Variants in DNAH9 observed in about 807,000 individuals in gnomAD.
DNAH9 encodes the protein dynein axonemal heavy chain 9.
In DNAH9, 345 loss-of-function variants were observed where a neutral mutation model predicts 471.6. The observed-to-expected ratio is 0.73, with a 90% confidence interval of 0.67 to 0.80. The LOEUF (loss-of-function observed/expected upper bound fraction) is 0.80, where lower values mean the gene tolerates loss of function less well. Among genes scored for constraint, DNAH9 ranks in the 30% least tolerant of loss-of-function variants. The pLI, the probability that DNAH9 is intolerant of heterozygous loss-of-function variation, is 0.00. For synonymous variants in DNAH9, 2,093 were observed against 2,123.6 expected (o/e 0.99, Z 0.40); for missense variants, 5,407 against 5,609.2 (o/e 0.96, Z 1.15).
chr17:11,746,046 T>C (rs961735133), intron 31 of DNAH9, among the ~76,000 whole-genome samples: 1 of 152,224 alleles, frequency 6.6e-6, no homozygotes, highest in Non-Finnish European at 1.5e-5. Flanking sequence ...GGAAAGACAG[T>C]ACTGAACAGA....
rs1226863460 is a variant in DNAH9, at chr17:11,744,812, G to A, written c.6127G>A (p.Gly2043Ser). 4.3e-6 allele frequency: 7 copies of A among 1,613,052 alleles called. No individual in the cohort carries two copies. Among genetic ancestry groups the A allele is most frequent in the Non-Finnish European group, 5.9e-6 (7 of 1,179,354 alleles). ...LLSKQDHYDW[G>S]LRAIKSVLVV... ...CTGCCCACAGGATCACTACGACTGG[G>A]GCCTACGGGCCATCAAGTCCGTGCT... The change falls in exon 31 of 69, where the codon GGC becomes AGC. Residue 2043 changes from glycine to serine, a missense_variant. Physicochemically the swap from Gly to Ser is moderately conservative, Grantham distance 56 (BLOSUM62 0). This residue lies in a region of DNAH9 where 4,636 missense variants were observed against 4,900.3 expected (regional missense o/e 0.95). Transcript: ENST00000262442.
At chr17:11,647,432 T>G (rs1402581589) in intron 12 of DNAH9, among the ~76,000 whole-genome samples, 1 of 152,172 alleles carries the variant, frequency 6.6e-6, no homozygotes, top group Non-Finnish European at 1.5e-5. Context: ...ATGCAAAAGA[T>G]TCTCAAAATA....
At chr17:11,805,999 T>C (rs547426092) in intron 43 of DNAH9, among the ~76,000 whole-genome samples, 1 of 152,312 alleles carries the variant, frequency 6.6e-6, no homozygotes, top group East Asian at 1.9e-4. Context: ...CCCAAAGTGC[T>C]GGGATTACAG....
Position 11,623,264 on chromosome 17 carries a change from G to A in DNAH9, c.1350+3483G>A, listed in dbSNP as rs796651436. Among the ~76,000 whole-genome samples the A allele has an allele frequency of 3.7e-4, 56 of 152,104 alleles. No homozygotes were observed. The highest frequency in any genetic ancestry group is 7.7e-4 in the African/African-American group (32 of 41,514). On this transcript the variant is annotated intron_variant, in intron 6 of 68. Coordinates refer to ENST00000262442, the MANE Select transcript of DNAH9 (RefSeq NM_001372.4). This position sits in a 1 kb window ranked among gnomAD's most constrained non-coding sequence, Gnocchi z 4.1. ...GCTGGGATTACAGGTGTGAGCCACCGTGCCCGGCCAGCATTTCTTTTCTTG... is the reference window on the plus strand; with the variant it reads ...GCTGGGATTACAGGTGTGAGCCACCATGCCCGGCCAGCATTTCTTTTCTTG...
At chr17:11,750,698 A>G (rs1162463028) in intron 32 of DNAH9, among the ~76,000 whole-genome samples, 1 of 152,214 alleles carries the variant, frequency 6.6e-6, no homozygotes, top group Non-Finnish European at 1.5e-5. Flanking sequence ...AGGAAATTTA[A>G]TTGCAAACCT....
chr17:11,642,694 C>T (rs902096740), intron 10 of DNAH9, among the ~76,000 whole-genome samples: 2 of 152,218 alleles, frequency 1.3e-5, no homozygotes, highest in African/African-American at 4.8e-5. Flanking sequence ...CTCGGCCACA[C>T]GCCCACGTGA....
At chr17:11,820,113 A>G (rs1402143230) in intron 45 of DNAH9, among the ~76,000 whole-genome samples, 1 of 152,126 alleles carries the variant, frequency 6.6e-6, no homozygotes, top group African/African-American at 2.4e-5. Context: ...AATCTCATTT[A>G]TTCCTAGTTT....
chr17:11,856,839 T>C (rs2150972909), intron 50 of DNAH9, among the ~76,000 whole-genome samples: 1 of 152,282 alleles, frequency 6.6e-6, no homozygotes, highest in Non-Finnish European at 1.5e-5. Context: ...TCAAAGAACA[T>C]CACATGCAAG....
At position 11,610,414 on chromosome 17, in the gene DNAH9, GTCAGT is replaced by G; in HGVS notation, c.634_638del (p.Ser212HisfsTer5). 1 of 1,613,148 alleles carries G rather than the reference GTCAGT, an allele frequency of 6.2e-7. No homozygotes were observed. The highest frequency in any genetic ancestry group is 8.5e-7 in the Non-Finnish European group (1 of 1,179,508). On this transcript the variant is annotated frameshift_variant, in exon 3 of 69. Coordinates refer to ENST00000262442, the MANE Select transcript of DNAH9 (RefSeq NM_001372.4). LOFTEE classifies it high-confidence loss of function. ...TTCACAGCTTGGATTCTATAGATAA[GTCAGT>G]CATCTATGCCATTGAGTCTGCAGTG...
rs1174382888 is a variant in DNAH9, at chr17:11,626,287, T to A, written c.1351-3130T>A. Among the ~76,000 whole-genome samples, 2 of 152,242 alleles carry A rather than the reference T, an allele frequency of 1.3e-5. No homozygotes were observed. The highest frequency in any genetic ancestry group is 2.4e-5 in the African/African-American group (1 of 41,466). ...CTTTTATCTGTTTTGTGAGAACTTT[T>A]AAATAAACAATGAAAAGAACTTACA... On this transcript the variant is annotated intron_variant, in intron 6 of 68. Transcript: ENST00000262442. This position sits in a 1 kb window ranked among gnomAD's most constrained non-coding sequence, Gnocchi z 4.3.
intron 48 of DNAH9, among the ~76,000 whole-genome samples, chr17:11,823,984 CT>C (rs1042194848): frequency 1.3e-5 from 2 of 151,756 alleles, no homozygotes; most frequent in Non-Finnish European, 2.9e-5. Flanking sequence ...TCATCCTGTC[CT>C]TGTTATGTTT....
chr17:11,685,882 GCAAT>G (rs1163346995), intron 19 of DNAH9, among the ~76,000 whole-genome samples: 1 of 146,118 alleles, frequency 6.8e-6, no homozygotes, highest in Non-Finnish European at 1.5e-5. Flanking sequence ...TCAGCTCACT[GCAAT>G]CTCCGTCTCC....
rs980082369 is a variant in DNAH9 at position 11,619,878 on chromosome 17, A to G, written c.1350+97A>G. ...ATAGGAAAATGCACAACACAACCTCATAGCCAACCCTCCATCAGCTGGAAT... is the reference window on the plus strand; with the variant it reads ...ATAGGAAAATGCACAACACAACCTCGTAGCCAACCCTCCATCAGCTGGAAT... On this transcript the variant is annotated intron_variant, in intron 6 of 68. Transcript: ENST00000262442. The G allele has an allele frequency of 9.9e-6, 7 of 706,460 alleles. No homozygotes were observed. In the African/African-American group the frequency reaches 1.1e-4, roughly 11 times the overall value. 43.8% of individuals were successfully genotyped at this position (706,460 alleles called of 1,614,324 possible).
intron 26 of DNAH9, among the ~76,000 whole-genome samples, chr17:11,709,900 G>A (rs1240723946): frequency 1.3e-5 from 2 of 152,148 alleles, no homozygotes; most frequent in African/African-American, 2.4e-5. Context: ...CTGCAAGTAG[G>A]TGAAATATAA....
chr17:11,747,790 G>A, intron 32 of DNAH9, 24 bp downstream of exon 32: 5 of 1,598,818 alleles, frequency 3.1e-6, no homozygotes, highest in Non-Finnish European at 4.3e-6. Context: ...TCTCCCAGGA[G>A]AAAGTCTCTG....
In DNAH9 at chr17:11,962,473, G is replaced by C. The variant is rs62062036; in HGVS notation, c.13233+217G>C. 0.13 allele frequency among the ~76,000 whole-genome samples: 20,140 copies of C among 152,216 alleles called. 1,440 individuals are homozygous for C. Among genetic ancestry groups the C allele is most frequent in the African/African-American group, 0.14 (5,992 of 41,520 alleles). On this transcript the variant is annotated intron_variant, in intron 68 of 68. Transcript: ENST00000262442. This position sits in a 1 kb window ranked among gnomAD's most constrained non-coding sequence, Gnocchi z 4.1. The stretch of plus-strand genomic sequence containing the variant: ...TAGAGTGGAGAGGTTAATAGCAAGG[G>C]CTTTGGAACCAGACTGGCTGGGTCT...
rs757152131 is a variant in DNAH9, at chr17:11,769,306, A to G, written c.7529A>G (p.Tyr2510Cys). The G allele has an allele frequency of 7.6e-5, 123 of 1,613,236 alleles. No individual in the cohort carries two copies. The South Asian group carries it at 1.2e-3, about 16-fold the overall frequency. Residue 2510 changes from tyrosine to cysteine, a missense_variant, in exon 38 of 69, where the codon TAC becomes TGC. By Grantham distance (194) the Tyr-to-Cys change is radical. This residue lies in a region of DNAH9 where 4,636 missense variants were observed against 4,900.3 expected (regional missense o/e 0.95). Coordinates refer to ENST00000262442, the MANE Select transcript of DNAH9 (RefSeq NM_001372.4). ...GTGAAAAACGTGCCATTCAACTACT[A>G]CACCACGTCAGCAATGCTGCAGGGT... ...YLVKNVPFNY[Y>C]TTSAMLQAVL...
chr17:11,653,666 C>G (rs1041176656), intron 14 of DNAH9, among the ~76,000 whole-genome samples: 2 of 152,204 alleles, frequency 1.3e-5, no homozygotes, highest in African/African-American at 4.8e-5. Context: ...CAGTTGTTAT[C>G]TGTGGATTTT....
chr17:11,879,403 T>C (rs1420649935), intron 53 of DNAH9, among the ~76,000 whole-genome samples: 1 of 152,188 alleles, frequency 6.6e-6, no homozygotes, highest in African/African-American at 2.4e-5. Flanking sequence ...CTGTATTCTT[T>C]TAGGTTAACT....
Sources: allele counts gnomAD v4.1 joint callset (sites outside exome capture counted in the v4.1 genomes callset), GRCh38; gene constraint gnomAD v4.1.1; regional missense constraint gnomAD v4.1.1; non-coding constraint Gnocchi (gnomAD v3.1); transcripts MANE v1.5; gene names NCBI Gene and HGNC (gene_info 2026-07-23, HGNC 2026-07-21).